Variants in DNM1 observed in about 807,000 individuals in gnomAD.
The protein encoded by DNM1 is dynamin-1.
DNM1 carries 29 observed loss-of-function variants against 104.6 expected under a neutral mutation model. The observed-to-expected ratio is 0.28, with a 90% CI of 0.21 to 0.38. The LOEUF is 0.38. Among genes scored for constraint, DNM1 ranks in the 10% least tolerant of loss-of-function variants. The probability of loss-of-function intolerance (pLI) is 1.00; values close to 1 mark genes in which losing one functional copy is unlikely to be tolerated. For missense variants in DNM1, 640 were observed against 1,189.4 expected (o/e 0.54, Z 6.79); for synonymous variants, 445 against 475.8 (o/e 0.94, Z 0.84).
chr9:128,232,074 GC>G (rs1460391851), intron 10 of DNM1: 4 of 455,716 alleles, frequency 8.8e-6, no homozygotes, highest in Non-Finnish European at 1.8e-5. Flanking sequence ...GGTGGAGGCT[GC>G]CCTGCCATGG....
At chr9:128,219,369 T>A in intron 4 of DNM1, 117 bp downstream of exon 4, 1 of 935,872 alleles carries the variant, frequency 1.1e-6, no homozygotes, top group Non-Finnish European at 1.6e-6. Flanking sequence ...GATTTGTACC[T>A]TTAAAAATCA....
At chr9:128,238,124 T>A (rs1376772996) in intron 11 of DNM1, among the ~76,000 whole-genome samples, 1 of 151,912 alleles carries the variant, frequency 6.6e-6, no homozygotes, top group Non-Finnish European at 1.5e-5. Context: ...TCAGAGAAGG[T>A]GATACTGATT....
Position 128,250,754 on chromosome 9 carries a change from G to T in DNM1, c.2348G>T (p.Arg783Leu). ...CCCACGTCCAGCCCCACGCCGCAGC[G>T]CCGAGCCCCCGCCGTGCCCCCAGCC... ...RSPTSSPTPQ[R>L]RAPAVPPARP... Residue 783 changes from arginine (R) to leucine (L), a missense_variant, in exon 21 of 22, where the codon CGC becomes CTC. Physicochemically the swap from Arg to Leu is moderately radical, Grantham distance 102 (BLOSUM62 -2). Around this residue, in one of 7 missense-constraint regions of DNM1, gnomAD observed 129 missense variants for 224.6 expected, o/e 0.57. Coordinates refer to ENST00000372923, the MANE Select transcript of DNM1 (RefSeq NM_004408.4). 1 of 1,430,364 alleles carries T rather than the reference G, an allele frequency of 7.0e-7. No homozygotes were observed. The highest frequency in any genetic ancestry group is 2.7e-5 in the Admixed American group (1 of 36,746). The allele number at this position is 1,430,364 out of a possible 1,614,324, so 88.6% of individuals were successfully genotyped here.
In DNM1 at chr9:128,203,563, G is replaced by T; in HGVS notation, c.93G>T (p.Leu31=). Reference sequence around the variant, plus strand: ...TCGGCCAGAACGCGGACCTCGACCTGCCGCAGATCGCTGTGGTGGGCGGCC... The same window carrying T: ...TCGGCCAGAACGCGGACCTCGACCTTCCGCAGATCGCTGTGGTGGGCGGCC... The part of the protein sequence containing the change: ...SAIGQNADLD[L]PQIAVVGGQS... The change falls in exon 1 of 22, where the codon CTG becomes CTT. Residue 31 remains leucine, a synonymous_variant. Coordinates refer to ENST00000372923, the MANE Select transcript of DNM1 (RefSeq NM_004408.4). The surrounding 1 kb of genome is among the most constrained non-coding windows in gnomAD (Gnocchi z 5.3). The T allele has an allele frequency of 6.4e-7, 1 of 1,550,696 alleles. No individual in the cohort carries two copies.
rs2131286471 is a variant in DNM1, at chr9:128,247,014, G to A, written c.1782-361G>A. The A allele has an allele frequency of 4.4e-6, 1 of 229,684 alleles. No homozygotes were observed. Among genetic ancestry groups the A allele is most frequent in the South Asian group, 8.9e-5 (1 of 11,230 alleles). 14.2% of individuals were successfully genotyped at this position (229,684 alleles called of 1,614,324 possible). A position where few individuals can be genotyped will look rare whatever the true frequency, so the allele number is the denominator to read the frequency against. ...GGCCCTCTGCTACTCGGAGATGAGAGTTCAGTCCAGCGGCCATCAGAGGGG... is the reference window on the plus strand; with the variant it reads ...GGCCCTCTGCTACTCGGAGATGAGAATTCAGTCCAGCGGCCATCAGAGGGG... On this transcript the variant is annotated intron_variant, in intron 16 of 21. Transcript: ENST00000372923. This position sits in a 1 kb window ranked among gnomAD's most constrained non-coding sequence, Gnocchi z 5.1.
intron 11 of DNM1, 21 bp from the exon 12 acceptor site, chr9:128,239,424 C>T: frequency 1.2e-6 from 2 of 1,610,282 alleles, no homozygotes; most frequent in Non-Finnish European, 1.7e-6. Flanking sequence ...CGCTTGCCCA[C>T]CAACCTATGT....
intron 10 of DNM1, chr9:128,225,976 C>T: frequency 1.3e-6 from 2 of 1,571,636 alleles, no homozygotes; most frequent in Non-Finnish European, 1.7e-6. Flanking sequence ...CTTTCACCCA[C>T]TTCTCCTCCC....
At chr9:128,212,872 A>G (rs1323657715) in intron 1 of DNM1, among the ~76,000 whole-genome samples, 1 of 152,126 alleles carries the variant, frequency 6.6e-6, no homozygotes, top group Non-Finnish European at 1.5e-5. Context: ...TCACTATCTA[A>G]TTTTAGGATA....
chr9:128,243,323 G>A lies in DNM1; in HGVS notation c.1671+978G>A, dbSNP rs1204276163. Among the ~76,000 whole-genome samples the A allele has an allele frequency of 1.3e-5, 2 of 152,150 alleles. No individual in the cohort carries two copies. Among genetic ancestry groups the A allele is most frequent in the Non-Finnish European group, 2.9e-5 (2 of 68,016 alleles). On this transcript the variant is annotated intron_variant, in intron 15 of 21. Transcript: ENST00000372923. This position sits in a 1 kb window ranked among gnomAD's most constrained non-coding sequence, Gnocchi z 4.0. ...GGCTTGTGGTAATGAACTCCAGCTG[G>A]CCAAGGAGTGGGGGAAGGGACCCTC...
intron 10 of DNM1, chr9:128,226,202 C>T (rs1835332246): frequency 6.8e-6 from 11 of 1,610,906 alleles, no homozygotes; most frequent in Non-Finnish European, 8.5e-6. Flanking sequence ...CGGGGCTGGG[C>T]CTGGCCGTCC....
chr9:128,238,179 TTG>T (rs1203329479), intron 11 of DNM1, among the ~76,000 whole-genome samples: 2 of 152,132 alleles, frequency 1.3e-5, no homozygotes, highest in African/African-American at 4.8e-5. Flanking sequence ...TTCCCAACAC[TTG>T]TGTCATGCTG....
At chr9:128,237,355 G>A (rs904506200) in intron 11 of DNM1, among the ~76,000 whole-genome samples, 4 of 150,960 alleles carry the variant, frequency 2.6e-5, no homozygotes, top group Admixed American at 6.6e-5. Context: ...TCTGCCTCCC[G>A]GGTTCAAGCC....
rs1829305019 is a variant in DNM1, at chr9:128,248,474, C to T, written c.1906-109C>T. On this transcript the variant is annotated intron_variant, in intron 18 of 21. Transcript: ENST00000372923. The surrounding 1 kb of genome is among the most constrained non-coding windows in gnomAD (Gnocchi z 5.6). ...GTATGTATTCAGGCCAGTCGCTTCT[C>T]TCTGTGCCTCAATATTCTGGGTACC... 1 of 1,346,498 alleles carries T rather than the reference C, an allele frequency of 7.4e-7. No individual in the cohort carries two copies. Among genetic ancestry groups the T allele is most frequent in the South Asian group, 1.4e-5 (1 of 73,416 alleles). The allele number at this position is 1,346,498 out of a possible 1,614,324, so 83.4% of individuals were successfully genotyped here.
chr9:128,210,817 G>C, intron 1 of DNM1, among the ~76,000 whole-genome samples: 1 of 151,060 alleles, frequency 6.6e-6, no homozygotes, highest in East Asian at 1.9e-4. Flanking sequence ...TCCCACCCAT[G>C]TGTGCACACA....
Position 128,242,039 on chromosome 9 carries a change from C to G in DNM1, c.1558-193C>G, listed in dbSNP as rs538656264. Reference sequence around the variant, plus strand: ...AAGGCTCTTTATCCTGAGCTGATCTCTGCCTTCCTCTGTCTTCCACTCTGT... The same window carrying G: ...AAGGCTCTTTATCCTGAGCTGATCTGTGCCTTCCTCTGTCTTCCACTCTGT... On this transcript the variant is annotated intron_variant, in intron 14 of 21. Transcript: ENST00000372923. 4.6e-5 allele frequency among the ~76,000 whole-genome samples: 7 copies of G among 152,360 alleles called. No individual in the cohort carries two copies. The South Asian group carries it at 1.4e-3, about 32-fold the overall frequency.
Position 128,247,618 on chromosome 9 carries a change from C to T in DNM1, c.1893+132C>T. The T allele has an allele frequency of 1.3e-6, 1 of 785,528 alleles. No homozygotes were observed. The highest frequency in any genetic ancestry group is 1.7e-5 in the South Asian group (1 of 57,216). 48.7% of individuals were successfully genotyped at this position (785,528 alleles called of 1,614,324 possible). On this transcript the variant is annotated intron_variant, in intron 17 of 21. Coordinates refer to ENST00000372923, the MANE Select transcript of DNM1 (RefSeq NM_004408.4). This position sits in a 1 kb window ranked among gnomAD's most constrained non-coding sequence, Gnocchi z 5.1. ...TCAGAAATAATAGGAATCCTCCCCC[C>T]TACCCACTCTGGGGGTGGGAACAGA...
In DNM1 at chr9:128,218,482, T is replaced by G. The variant is rs954803160; in HGVS notation, c.236-100T>G. 8.2e-6 allele frequency: 12 copies of G among 1,462,176 alleles called. No individual in the cohort carries two copies. In the African/African-American group the frequency reaches 1.7e-4, roughly 20 times the overall value. The allele number at this position is 1,462,176 out of a possible 1,614,324, so 90.6% of individuals were successfully genotyped here. On this transcript the variant is annotated intron_variant, in intron 2 of 21. Coordinates refer to ENST00000372923, the MANE Select transcript of DNM1 (RefSeq NM_004408.4). The surrounding 1 kb of genome is among the most constrained non-coding windows in gnomAD (Gnocchi z 4.8). ...GACGTGGGTGGTGGTTCTGCTTGGGTGTGTCTAGGGGGTTCTATTACCGGT... is the reference window on the plus strand; with the variant it reads ...GACGTGGGTGGTGGTTCTGCTTGGGGGTGTCTAGGGGGTTCTATTACCGGT...
chr9:128,206,789 C>T (rs551331884), intron 1 of DNM1, among the ~76,000 whole-genome samples: 1 of 152,150 alleles, frequency 6.6e-6, no homozygotes, highest in African/African-American at 2.4e-5. Flanking sequence ...ATCTACAAAG[C>T]CCTTAGGCCA....
In DNM1 at chr9:128,245,160, C is replaced by T. The variant is rs571878467; in HGVS notation, c.1672-1234C>T. ...CGAACGGTTCCAGATGTTCCCTGGC[C>T]GTGTGTGCAACTTCCTCCTCTCCTC... On this transcript the variant is annotated intron_variant, in intron 15 of 21. Transcript: ENST00000372923. The surrounding 1 kb of genome is among the most constrained non-coding windows in gnomAD (Gnocchi z 5.2). The T allele has an allele frequency of 2.9e-5, 5 of 169,676 alleles. No homozygotes were observed. In the East Asian group the frequency reaches 8.2e-4, roughly 28 times the overall value. The allele number at this position is 169,676 out of a possible 1,614,324, so 10.5% of individuals were successfully genotyped here.
Sources: allele counts gnomAD v4.1 joint callset (sites outside exome capture counted in the v4.1 genomes callset), GRCh38; gene constraint gnomAD v4.1.1; regional missense constraint gnomAD v4.1.1; non-coding constraint Gnocchi (gnomAD v3.1); transcripts MANE v1.5; gene names NCBI Gene and HGNC (gene_info 2026-07-23, HGNC 2026-07-21).